Variants in CD5L observed in about 807,000 individuals in gnomAD.
CD5L encodes the protein CD5 antigen-like.
A neutral mutation model predicts 40.8 loss-of-function variants in CD5L; 39 were observed. That is an observed-to-expected ratio of 0.96 (90% CI 0.74 to 1.25). The LOEUF (loss-of-function observed/expected upper bound fraction) is 1.25, where lower values mean the gene tolerates loss of function less well. Ranked by LOEUF, CD5L falls within the 50% of genes most tolerant of loss-of-function variation. The pLI is 0.00. For missense variants in CD5L, 433 were observed against 435.9 expected, an observed-to-expected ratio of 0.99 and a Z score of 0.06; for synonymous variants, 192 against 169.6, an observed-to-expected ratio of 1.13 and a Z score of -1.03.
At chr1:157,841,325 T>A (rs1656364828) in intron 1 of CD5L, among the ~76,000 whole-genome samples, 3 of 152,214 alleles carry the variant, frequency 2.0e-5, no homozygotes, top group Admixed American at 2.0e-4. Context: ...TGTCTTGCAG[T>A]TCTACTTCCT....
At chr1:157,832,189 A>T (rs924889935) in intron 5 of CD5L, among the ~76,000 whole-genome samples, 10 of 152,228 alleles carry the variant, frequency 6.6e-5, no homozygotes, top group Non-Finnish European at 8.8e-5. Context: ...CAGTACTGAC[A>T]TCTATCAACA....
rs1656052021 is a variant in CD5L, at chr1:157,831,666, GC to G, written c.*297del. 8.5e-7 allele frequency: 1 copy of G among 1,183,344 alleles called. No individual in the cohort carries two copies. Among genetic ancestry groups the G allele is most frequent in the Non-Finnish European group, 1.0e-6 (1 of 957,400 alleles). 73.3% of individuals were successfully genotyped at this position (1,183,344 alleles called of 1,614,324 possible). A position where few individuals can be genotyped will look rare whatever the true frequency, so the allele number is the denominator to read the frequency against. On this transcript the variant is annotated 3_prime_UTR_variant, in exon 6 of 6. Transcript: ENST00000368174. ...GTGACAGGTTTGAGGATTCCAGGCAGCTTGAGAAAAGGCAGGAAAGGCCAGA... is the reference window on the plus strand; with the variant it reads ...GTGACAGGTTTGAGGATTCCAGGCAGTTGAGAAAAGGCAGGAAAGGCCAGA...
chr1:157,839,408 T>C lies in CD5L; in HGVS notation c.31A>G (p.Ile11Val). The C allele has an allele frequency of 6.2e-7, 1 of 1,613,236 alleles. No individual in the cohort carries two copies. Among genetic ancestry groups the C allele is most frequent in the South Asian group, 1.1e-5 (1 of 91,006 alleles). MALLFSLILA[I>V]CTRPGFLASP... ...CCTAGGAATCCAGGTCTGGTGCAAA[T>C]GGCTGGGGAAGAAAGAAGGAAATGA... The change falls in exon 2 of 6, where the codon ATT becomes GTT. Residue 11 changes from isoleucine to valine, a missense_variant and splice_region_variant. Coordinates refer to ENST00000368174, the MANE Select transcript of CD5L (RefSeq NM_005894.3).
At chr1:157,839,288 G>A (rs973014995) in intron 2 of CD5L, 96 bp downstream of exon 2, 2 of 1,232,436 alleles carry the variant, frequency 1.6e-6, no homozygotes, top group African/African-American at 1.5e-5. Flanking sequence ...TGCTGGGCCT[G>A]TTTTGAACAA....
At chr1:157,834,346 A>C in intron 4 of CD5L, 61 bp downstream of exon 4, 1 of 1,376,010 alleles carries the variant, frequency 7.3e-7, no homozygotes, top group African/African-American at 1.4e-5. Flanking sequence ...ATACTGTTTG[A>C]ATGAGATTCC....
chr1:157,828,648 A>G (rs1315816102), downstream of CD5L, among the ~76,000 whole-genome samples: 1 of 152,220 alleles, frequency 6.6e-6, no homozygotes, highest in Non-Finnish European at 1.5e-5. Flanking sequence ...TGCCCCCAGC[A>G]GTAACCAACT....
intron 2 of CD5L, among the ~76,000 whole-genome samples, chr1:157,836,483 T>C (rs1656217737): frequency 6.6e-6 from 1 of 152,074 alleles, no homozygotes; most frequent in Admixed American, 6.5e-5. Flanking sequence ...GCGGTCAGAA[T>C]CAGAAGGCCC....
At chr1:157,840,383 C>T (rs188807163) in intron 1 of CD5L, among the ~76,000 whole-genome samples, 1 of 152,192 alleles carries the variant, frequency 6.6e-6, no homozygotes, top group South Asian at 2.1e-4. Context: ...ACACCCACCA[C>T]CCCCATCTTA....
downstream of CD5L, among the ~76,000 whole-genome samples, chr1:157,827,655 A>G (rs1655939280): frequency 6.6e-6 from 1 of 152,212 alleles, no homozygotes; most frequent in African/African-American, 2.4e-5. Context: ...TACTCAATCT[A>G]CTGATACAAA....
At position 157,834,681 on chromosome 1, in the gene CD5L, C is replaced by T; in HGVS notation, c.444G>A (p.Lys148=). 2 of 1,614,196 alleles carry T rather than the reference C, an allele frequency of 1.2e-6. No homozygotes were observed. The highest frequency in any genetic ancestry group is 2.2e-5 in the East Asian group (1 of 44,882). The change falls in exon 4 of 6, where the codon AAG becomes AAA. Residue 148 remains lysine (K), a synonymous_variant. Coordinates refer to ENST00000368174, the MANE Select transcript of CD5L (RefSeq NM_005894.3). ...VRLADGPGHC[K]GRVEVKHQNQ... is the part of the protein sequence containing the mutation. ...TCTGGTGCTTCACTTCCACGCGTCC[C>T]TTGCAATGCCCAGGGCCGTCAGCCA...
At chr1:157,836,475 G>A (rs939957434) in intron 2 of CD5L, among the ~76,000 whole-genome samples, 7 of 152,142 alleles carry the variant, frequency 4.6e-5, no homozygotes, top group Non-Finnish European at 8.8e-5. Flanking sequence ...ATTCTCTGGC[G>A]GTCAGAATCA....
intron 1 of CD5L, among the ~76,000 whole-genome samples, chr1:157,841,081 A>T (rs752859438): frequency 6.6e-6 from 1 of 152,212 alleles, no homozygotes; most frequent in South Asian, 2.1e-4. Flanking sequence ...TATTATCCTC[A>T]CTTCATAGAT....
chr1:157,831,927 C>A lies in CD5L; in HGVS notation c.*37G>T, dbSNP rs778113392. 2 of 1,557,674 alleles carry A rather than the reference C, an allele frequency of 1.3e-6. No homozygotes were observed. Among genetic ancestry groups the A allele is most frequent in the African/African-American group, 1.4e-5 (1 of 72,340 alleles). On this transcript the variant is annotated 3_prime_UTR_variant, in exon 6 of 6. Coordinates refer to ENST00000368174, the MANE Select transcript of CD5L (RefSeq NM_005894.3). ...CTCAGGAGAACAAGCAGAGGGCAGG[C>A]GGGGCCAGGGGGGCCAGGTCAAGCA...
At chr1:157,835,712 T>C in intron 3 of CD5L, 123 bp downstream of exon 3, 2 of 737,372 alleles carry the variant, frequency 2.7e-6, no homozygotes, top group Non-Finnish European at 4.6e-6. Context: ...AAGTATGAGA[T>C]GTGGGGGGTG....
chr1:157,834,257 T>C (rs1656129342), intron 4 of CD5L, 150 bp downstream of exon 4: 2 of 681,790 alleles, frequency 2.9e-6, no homozygotes, highest in Admixed American at 6.0e-5. Context: ...TATCTCCATT[T>C]GAAAAACAAA....
rs557099396 is a variant in CD5L at position 157,833,531 on chromosome 1, A to T, written c.719-19T>A. ...AAGGGATCTGCAGGATGGGGGAGGA[A>T]GTCAGGGGTTGGAGACAGGAAGGGA... On this transcript the variant is annotated intron_variant, in intron 4 of 5. Transcript: ENST00000368174. 5.1e-6 allele frequency: 8 copies of T among 1,579,218 alleles called. No individual in the cohort carries two copies. The East Asian group carries it at 1.8e-4, about 36-fold the overall frequency.
At chr1:157,828,847 C>G (rs1190093810), downstream of CD5L, among the ~76,000 whole-genome samples, 1 of 152,186 alleles carries the variant, frequency 6.6e-6, no homozygotes, top group African/African-American at 2.4e-5. Context: ...CTCTCCTTTT[C>G]TGTCTCACTC....
At chr1:157,836,493 C>T (rs1408858773) in intron 2 of CD5L, among the ~76,000 whole-genome samples, 1 of 152,148 alleles carries the variant, frequency 6.6e-6, no homozygotes, top group Non-Finnish European at 1.5e-5. Flanking sequence ...TCAGAAGGCC[C>T]TAAAGAGATC....
chr1:157,829,752 A>T (rs1266186230), downstream of CD5L, among the ~76,000 whole-genome samples: 1 of 152,216 alleles, frequency 6.6e-6, no homozygotes, highest in Non-Finnish European at 1.5e-5. Context: ...GGTTGGAAGT[A>T]CGAAAACCAA....
Sources: gnomAD v4.1 joint callset for allele counts (sites outside exome capture counted in the v4.1 genomes callset) on GRCh38, gnomAD v4.1.1 for gene constraint, MANE v1.5 for transcripts, NCBI Gene and HGNC (gene_info 2026-07-23, HGNC 2026-07-21) for gene names.